The following TIMMDC1 variants were observed in gnomAD, a reference collection of about 807,000 sequenced individuals.
TIMMDC1 encodes the protein translocase of inner mitochondrial membrane domain containing 1.
A neutral mutation model predicts 32.6 loss-of-function variants in TIMMDC1; 25 were observed. The observed-to-expected ratio is 0.77, with a 90% CI of 0.56 to 1.07. The LOEUF is 1.07. Among genes scored for constraint, TIMMDC1 ranks in the 50% least tolerant of loss-of-function variants. The pLI, the probability that TIMMDC1 is intolerant of heterozygous loss-of-function variation, is 0.00. For missense variants in TIMMDC1, 329 were observed against 349.2 expected, an observed-to-expected ratio of 0.94 and a Z score of 0.46; for synonymous variants, 130 against 127.6, an observed-to-expected ratio of 1.02 and a Z score of -0.13.
At position 119,503,824 on chromosome 3, in the gene TIMMDC1, G is replaced by A. The variant is rs72952918; in HGVS notation, c.450-130G>A. The A allele has an allele frequency of 2.3e-3, 1,913 of 838,658 alleles. 16 individuals carry two copies. The African/African-American group carries it at 0.03, about 13-fold the overall frequency. 52.0% of individuals were successfully genotyped at this position (838,658 alleles called of 1,614,324 possible). A position where few individuals can be genotyped will look rare whatever the true frequency, so the allele number is the denominator to read the frequency against. The stretch of plus-strand genomic sequence containing the variant: ...ACCATGTCTGGAACACATTGAAGGG[G>A]CCTAGGCTAGGAACAGGGATTGATA... On this transcript the variant is annotated intron_variant, in intron 3 of 6. Coordinates refer to ENST00000494664, the MANE Select transcript of TIMMDC1 (RefSeq NM_016589.4).
At chr3:119,513,844 T>G (rs1296003277) in intron 5 of TIMMDC1, 125 bp downstream of exon 5, 5 of 599,134 alleles carry the variant, frequency 8.3e-6, no homozygotes, top group Non-Finnish European at 1.4e-5. Flanking sequence ...ATCTCTAGTC[T>G]TGCATTGGCA....
At chr3:119,516,747 C>A (rs1346859083) in intron 5 of TIMMDC1, among the ~76,000 whole-genome samples, 2 of 152,180 alleles carry the variant, frequency 1.3e-5, no homozygotes, top group Non-Finnish European at 2.9e-5. Context: ...GTCCCACCCC[C>A]AAAAGCCAGT....
intron 4 of TIMMDC1, among the ~76,000 whole-genome samples, chr3:119,512,819 C>T (rs1405872037): frequency 1.3e-5 from 2 of 152,292 alleles, no homozygotes; most frequent in Non-Finnish European, 2.9e-5. Context: ...CTGCTCACTG[C>T]AGCCTCCGCC....
At chr3:119,510,195 A>G (rs1016939963) in intron 4 of TIMMDC1, among the ~76,000 whole-genome samples, 6 of 152,196 alleles carry the variant, frequency 3.9e-5, no homozygotes, top group African/African-American at 1.4e-4. Flanking sequence ...AAGTGTAAAT[A>G]TATAAATAGC....
chr3:119,520,025 AAATT>A (rs773808807), intron 6 of TIMMDC1, among the ~76,000 whole-genome samples: 1 of 152,206 alleles, frequency 6.6e-6, no homozygotes, highest in Non-Finnish European at 1.5e-5. Context: ...GTCAATGAAA[AAATT>A]AAGAAGGAAA....
In TIMMDC1 at chr3:119,523,984, TAATC is replaced by T. The variant is rs145997182; in HGVS notation, c.*229_*232del. ...TTTAAATACATACTTATGTTTGTAT[TAATC>T]TATCAATATATGCATACATGAATAT... On this transcript the variant is annotated 3_prime_UTR_variant, in exon 7 of 7. Coordinates refer to ENST00000494664, the MANE Select transcript of TIMMDC1 (RefSeq NM_016589.4). 575 of 382,370 alleles carry T rather than the reference TAATC, an allele frequency of 1.5e-3. 1 individual carries two copies. Among genetic ancestry groups the T allele is most frequent in the East Asian group, 0.012 (301 of 25,438 alleles). The allele number at this position is 382,370 out of a possible 1,614,324, so 23.7% of individuals were successfully genotyped here.
intron 6 of TIMMDC1, among the ~76,000 whole-genome samples, chr3:119,519,378 T>C (rs1029240697): frequency 1.3e-5 from 2 of 152,116 alleles, no homozygotes; most frequent in Non-Finnish European, 2.9e-5. Flanking sequence ...ACTTCACCTG[T>C]AAAGATACAG....
At chr3:119,522,804 TTGTGTGTGTGTGTGTGTG>T (rs71156752) in intron 6 of TIMMDC1, among the ~76,000 whole-genome samples, 4 of 148,650 alleles carry the variant, frequency 2.7e-5, no homozygotes, top group South Asian at 2.1e-4. Flanking sequence ...GTATGGGTGT[TTGTGTGTGTGTGTGTGTG>T]TGTGTGTGTG....
rs562405336 is a variant in TIMMDC1 at position 119,498,732 on chromosome 3, C to T, written c.-2C>T. The T allele has an allele frequency of 1.2e-6, 2 of 1,613,974 alleles. No individual in the cohort carries two copies. The highest frequency in any genetic ancestry group is 4.5e-5 in the East Asian group (2 of 44,880). On this transcript the variant is annotated 5_prime_UTR_variant, in exon 1 of 7. Coordinates refer to ENST00000494664, the MANE Select transcript of TIMMDC1 (RefSeq NM_016589.4). ...AGTTTGTCCGTAGGTCGAGAGAAGG[C>T]CATGGAGGTGCCGCCACCGGCACCG...
chr3:119,515,495 A>G (rs955570088), intron 5 of TIMMDC1, among the ~76,000 whole-genome samples: 1 of 152,206 alleles, frequency 6.6e-6, no homozygotes, highest in African/African-American at 2.4e-5. Context: ...CTCAGATTCA[A>G]CTAATTAGTA....
chr3:119,519,539 ATTC>A (rs1560050272), intron 6 of TIMMDC1, among the ~76,000 whole-genome samples: 2 of 152,208 alleles, frequency 1.3e-5, no homozygotes, highest in African/African-American at 4.8e-5. Flanking sequence ...AAAGAGATCA[ATTC>A]AGCAAGAGGA....
Position 119,503,639 on chromosome 3 carries a change from G to C in TIMMDC1, c.449+19G>C. On this transcript the variant is annotated intron_variant, in intron 3 of 6. Transcript: ENST00000494664. ...TATTCAAGTAAGTTCACTCTGAATT[G>C]TGAGATAGTGAATTTTCTTGATATT... The C allele has an allele frequency of 6.4e-7, 1 of 1,564,062 alleles. No homozygotes were observed. Among genetic ancestry groups the C allele is most frequent in the Non-Finnish European group, 8.7e-7 (1 of 1,148,856 alleles).
At chr3:119,523,048 T>G (rs2082039687) in intron 6 of TIMMDC1, among the ~76,000 whole-genome samples, 1 of 152,220 alleles carries the variant, frequency 6.6e-6, no homozygotes. Context: ...GATAATCACT[T>G]AAGGAAGACA....
chr3:119,509,838 A>G (rs1293608876), intron 4 of TIMMDC1, among the ~76,000 whole-genome samples: 2 of 152,048 alleles, frequency 1.3e-5, no homozygotes, highest in Non-Finnish European at 2.9e-5. Context: ...GGCATATGCC[A>G]CCATACCCGG....
intron 5 of TIMMDC1, among the ~76,000 whole-genome samples, chr3:119,514,167 T>C (rs1188392058): frequency 4.6e-5 from 7 of 152,188 alleles, no homozygotes; most frequent in Admixed American, 1.3e-4. Flanking sequence ...TTAAAAAATG[T>C]TCTTCCTCAA....
chr3:119,507,641 A>C (rs920640250), intron 4 of TIMMDC1, among the ~76,000 whole-genome samples: 9 of 152,090 alleles, frequency 5.9e-5, no homozygotes, highest in African/African-American at 2.2e-4. Context: ...ACCATATCTG[A>C]GTCTGGTTTT....
rs2081898570 is a variant in TIMMDC1, at chr3:119,503,927, A to G, written c.450-27A>G. On this transcript the variant is annotated intron_variant, in intron 3 of 6. Transcript: ENST00000494664. ...AAATGGGATATGCTTTAAATCTTAT[A>G]TTTTCCTTCTCCTCCCTTTTTACCA... The G allele has an allele frequency of 3.8e-6, 6 of 1,589,012 alleles. No homozygotes were observed. The African/African-American group carries it at 6.7e-5, about 18-fold the overall frequency.
At chr3:119,519,478 T>C (rs560620078) in intron 6 of TIMMDC1, among the ~76,000 whole-genome samples, 1 of 138,544 alleles carries the variant, frequency 7.2e-6, no homozygotes, top group South Asian at 2.3e-4. Context: ...CTAGATAAAA[T>C]AGGCTTTAAA....
At position 119,502,643 on chromosome 3, in the gene TIMMDC1, C is replaced by T. The variant is rs984453263; in HGVS notation, c.361-889C>T. ...GCGCGATCATAGCTCACCACAACCTCAAACTTCTGGACTCAAGGTTTCCTC... is the reference window on the plus strand; with the variant it reads ...GCGCGATCATAGCTCACCACAACCTTAAACTTCTGGACTCAAGGTTTCCTC... On this transcript the variant is annotated intron_variant, in intron 2 of 6. Coordinates refer to ENST00000494664, the MANE Select transcript of TIMMDC1 (RefSeq NM_016589.4). 3.9e-5 allele frequency among the ~76,000 whole-genome samples: 6 copies of T among 152,084 alleles called. No homozygotes were observed. The East Asian group carries it at 1.2e-3, about 29-fold the overall frequency.
Sources: gnomAD v4.1 joint callset for allele counts (sites outside exome capture counted in the v4.1 genomes callset) on GRCh38, gnomAD v4.1.1 for gene constraint, MANE v1.5 for transcripts, NCBI Gene and HGNC (gene_info 2026-07-23, HGNC 2026-07-21) for gene names.